SPEG: variants seen among roughly 807,000 people sequenced by gnomAD.
SPEG encodes striated muscle enriched protein kinase, also known as striated muscle preferentially expressed protein kinase.
In SPEG, 114 loss-of-function variants were observed where a neutral mutation model predicts 300.4. That is an observed-to-expected ratio of 0.38 (90% confidence interval 0.33 to 0.44). The LOEUF (loss-of-function observed/expected upper bound fraction) is 0.44, where lower values mean the gene tolerates loss of function less well. Ranked by LOEUF, SPEG falls within the 20% of genes least tolerant of loss-of-function variation. SPEG has a pLI of 1.00. For missense variants in SPEG, 4,201 were observed against 4,586.2 expected (o/e 0.92, Z 2.43); for synonymous variants, 1,964 against 2,018.9 (o/e 0.97, Z 0.73).
chr2:219,466,870 T>G, intron 9 of SPEG: 6 of 1,114,798 alleles, frequency 5.4e-6, no homozygotes, highest in African/African-American at 2.3e-5. Context: ...CTATCTGGTG[T>G]GTTGTGTTTT....
chr2:219,447,300 G>A (rs951433484), intron 3 of SPEG, among the ~76,000 whole-genome samples: 5 of 152,226 alleles, frequency 3.3e-5, no homozygotes, highest in Middle Eastern at 6.8e-3. Context: ...AAGGCCTATC[G>A]GGGGGCAGAC....
chr2:219,476,195 A>G (rs1692326690), intron 18 of SPEG, among the ~76,000 whole-genome samples: 1 of 151,662 alleles, frequency 6.6e-6, no homozygotes, highest in South Asian at 2.1e-4. Context: ...TGTGGGAGAT[A>G]CTGAGAGTCC....
chr2:219,477,511 T>C lies in SPEG; in HGVS notation c.4729+66T>C. 2 of 1,490,170 alleles carry C rather than the reference T, an allele frequency of 1.3e-6. No individual in the cohort carries two copies. The highest frequency in any genetic ancestry group is 1.8e-6 in the Non-Finnish European group (2 of 1,111,208). 92.3% of individuals were successfully genotyped at this position (1,490,170 alleles called of 1,614,324 possible). ...TGGAATCTGATGTGACCCTCCATGC[T>C]CTGCCCAGGAAGCAGCCAGCCCTGG... On this transcript the variant is annotated intron_variant, in intron 20 of 40. Coordinates refer to ENST00000312358, the MANE Select transcript of SPEG (RefSeq NM_005876.5). The surrounding 1 kb of genome is among the most constrained non-coding windows in gnomAD (Gnocchi z 6.4).
rs1256811572 is a variant in SPEG, at chr2:219,483,697, C to A, written c.6234C>A (p.Gly2078=). The change falls in exon 30 of 41, where the codon GGC becomes GGA. Residue 2078 remains glycine (G), a synonymous_variant. Transcript: ENST00000312358. ...QALRQRLLRG[G]PEDGKVSGLR... is the part of the protein sequence containing the mutation. ...TGCGCCAGCGGCTGCTGCGGGGAGG[C>A]CCCGAGGATGGCAAGGTCAGCGGCC... 3.3e-6 allele frequency: 5 copies of A among 1,533,812 alleles called. No homozygotes were observed. In the African/African-American group the frequency reaches 6.9e-5, roughly 21 times the overall value.
In SPEG at chr2:219,481,623, C is replaced by A; in HGVS notation, c.5523-15C>A. The stretch of plus-strand genomic sequence containing the variant: ...CTGAACGATAAATCCCTTCTTAATC[C>A]TCATTCATTCACAGGAGACCTACCG... On this transcript the variant is annotated splice_polypyrimidine_tract_variant and intron_variant, in intron 27 of 40. Transcript: ENST00000312358. This position sits in a 1 kb window ranked among gnomAD's most constrained non-coding sequence, Gnocchi z 5.4. The A allele has an allele frequency of 6.2e-7, 1 of 1,613,910 alleles. No individual in the cohort carries two copies. Among genetic ancestry groups the A allele is most frequent in the African/African-American group, 1.3e-5 (1 of 75,042 alleles).
rs1689792964 is a variant in SPEG at position 219,451,940 on chromosome 2, G to A, written c.2440+133G>A. The A allele has an allele frequency of 1.2e-5, 11 of 939,944 alleles. No individual in the cohort carries two copies. Among genetic ancestry groups the A allele is most frequent in the Admixed American group, 3.3e-5 (1 of 30,328 alleles). The allele number at this position is 939,944 out of a possible 1,614,324, so 58.2% of individuals were successfully genotyped here. A position where few individuals can be genotyped will look rare whatever the true frequency, so the allele number is the denominator to read the frequency against. On this transcript the variant is annotated intron_variant, in intron 6 of 40. Transcript: ENST00000312358. This position sits in a 1 kb window ranked among gnomAD's most constrained non-coding sequence, Gnocchi z 6.4. Reference sequence around the variant, plus strand: ...CCCGCCAGCATACTTAGTCCATGCAGTCCCTTCTGGGTGTCGGCAGCTTTG... The same window carrying A: ...CCCGCCAGCATACTTAGTCCATGCAATCCCTTCTGGGTGTCGGCAGCTTTG...
intron 6 of SPEG, among the ~76,000 whole-genome samples, chr2:219,454,672 G>A (rs2125333794): frequency 1.3e-5 from 2 of 152,340 alleles, no homozygotes; most frequent in East Asian, 3.9e-4. Context: ...GGTAGAGCTA[G>A]CACCAGGCCA....
chr2:219,449,909 A>G (rs983074215), intron 4 of SPEG, among the ~76,000 whole-genome samples: 4 of 152,048 alleles, frequency 2.6e-5, no homozygotes, highest in Non-Finnish European at 5.9e-5. Context: ...CCCATGGATG[A>G]TGACCAACAC....
chr2:219,490,068 A>C, intron 36 of SPEG, 129 bp downstream of exon 36: 1 of 1,102,570 alleles, frequency 9.1e-7, no homozygotes, highest in South Asian at 1.6e-5. Context: ...GGGTTATTAG[A>C]ATGATTGCGT....
chr2:219,469,092 G>T (rs375221940), intron 12 of SPEG, 44 bp downstream of exon 12: 15 of 1,608,238 alleles, frequency 9.3e-6, no homozygotes, highest in Non-Finnish European at 1.3e-5. Flanking sequence ...CCTGTGAGGG[G>T]CCAGCCCAGC....
intron 6 of SPEG, chr2:219,461,393 G>A (rs955720620): frequency 4.2e-5 from 42 of 999,098 alleles, no homozygotes; most frequent in South Asian, 8.9e-5. Context: ...GACCGAGGTC[G>A]GGATGTGACT....
At position 219,451,414 on chromosome 2, in the gene SPEG, T is replaced by C; in HGVS notation, c.2257+135T>C. The C allele has an allele frequency of 7.8e-7, 1 of 1,282,010 alleles. No individual in the cohort carries two copies. Among genetic ancestry groups the C allele is most frequent in the Non-Finnish European group, 1.0e-6 (1 of 957,340 alleles). The allele number at this position is 1,282,010 out of a possible 1,614,324, so 79.4% of individuals were successfully genotyped here. On this transcript the variant is annotated intron_variant, in intron 5 of 40. Coordinates refer to ENST00000312358, the MANE Select transcript of SPEG (RefSeq NM_005876.5). The surrounding 1 kb of genome is among the most constrained non-coding windows in gnomAD (Gnocchi z 6.4). ...ATTATCCCCTCCACGGGGGCTGCCC[T>C]GACTTGGGTGTGTGTTCAGGGACAT...
intron 31 of SPEG, among the ~76,000 whole-genome samples, chr2:219,487,418 C>A (rs1037009730): frequency 1.3e-5 from 2 of 152,210 alleles, no homozygotes; most frequent in African/African-American, 2.4e-5. Context: ...TACTCTATGG[C>A]AGACACTTTA....
intron 18 of SPEG, among the ~76,000 whole-genome samples, chr2:219,475,266 A>G (rs1692236051): frequency 1.3e-5 from 2 of 152,204 alleles, no homozygotes; most frequent in Admixed American, 1.3e-4. Context: ...AGTAAATACA[A>G]TTCCAACCAA....
chr2:219,442,193 C>T, intron 1 of SPEG: 1 of 691,998 alleles, frequency 1.4e-6, no homozygotes, highest in Non-Finnish European at 1.9e-6. Context: ...GCTGGATCGG[C>T]GCCTGCCCCA....
In SPEG at chr2:219,475,037, G is replaced by A. The variant is rs115069725; in HGVS notation, c.4447+1134G>A. ...TGGCCTCAAGTAATCCGTCCACCTC[G>A]GCTTCCCAAAGTGCTGAGATTATAG... On this transcript the variant is annotated intron_variant, in intron 18 of 40. Coordinates refer to ENST00000312358, the MANE Select transcript of SPEG (RefSeq NM_005876.5). Among the ~76,000 whole-genome samples the A allele has an allele frequency of 6.7e-3, 1,023 of 152,060 alleles. 11 individuals carry two copies. Among genetic ancestry groups the A allele is most frequent in the African/African-American group, 0.023 (962 of 41,446 alleles).
In SPEG at chr2:219,450,962, T is replaced by A. The variant is rs1016489803; in HGVS notation, c.2114-174T>A. On this transcript the variant is annotated intron_variant, in intron 4 of 40. Coordinates refer to ENST00000312358, the MANE Select transcript of SPEG (RefSeq NM_005876.5). ...TTCGAGAATGCTCCTTCTGACTTCC[T>A]TTTTTCCCTAAGGACATTCAGGAGG... 15 of 640,812 alleles carry A rather than the reference T, an allele frequency of 2.3e-5. No individual in the cohort carries two copies. In the African/African-American group the frequency reaches 2.8e-4, roughly 12 times the overall value. 39.7% of individuals were successfully genotyped at this position (640,812 alleles called of 1,614,324 possible).
intron 6 of SPEG, among the ~76,000 whole-genome samples, chr2:219,456,171 T>C (rs1690163347): frequency 6.6e-6 from 1 of 152,216 alleles, no homozygotes; most frequent in South Asian, 2.1e-4. Context: ...GTCCCACTCA[T>C]AGAATCAACA....
At chr2:219,436,342 C>T (rs1954718808) in intron 1 of SPEG, among the ~76,000 whole-genome samples, 1 of 152,216 alleles carries the variant, frequency 6.6e-6, no homozygotes, top group Admixed American at 6.5e-5. Flanking sequence ...TTGATTTCCT[C>T]AGTCCTTGAG....
Sources: gnomAD v4.1 joint callset for allele counts (sites outside exome capture counted in the v4.1 genomes callset) on GRCh38, gnomAD v4.1.1 for gene constraint, Gnocchi (gnomAD v3.1) non-coding constraint, MANE v1.5 for transcripts, NCBI Gene and HGNC (gene_info 2026-07-23, HGNC 2026-07-21) for gene names.